POLQ: variants seen among roughly 807,000 people sequenced by gnomAD.
POLQ encodes epididymis secretory sperm binding protein.
In POLQ, 233 loss-of-function variants were observed where a neutral mutation model predicts 259.2. That is an observed-to-expected ratio of 0.90 (90% CI 0.81 to 1.00). POLQ has a LOEUF of 1.00. POLQ is among the 50% of genes least tolerant of loss of function. The probability of loss-of-function intolerance (pLI) is 0.00; values close to 1 mark genes in which losing one functional copy is unlikely to be tolerated. For missense variants in POLQ, 2,871 were observed against 3,051.6 expected (o/e 0.94, Z 1.39); for synonymous variants, 1,025 against 1,048.8 (o/e 0.98, Z 0.44).
At chr3:121,539,334 A>G (rs2108821184) in intron 4 of POLQ, 99 bp downstream of exon 4, 1 of 896,792 alleles carries the variant, frequency 1.1e-6, no homozygotes, top group East Asian at 2.5e-5. Flanking sequence ...ATAATAGACA[A>G]TAGGAAAACA....
intron 12 of POLQ, 49 bp downstream of exon 12, chr3:121,509,512 A>AT: frequency 2.7e-6 from 4 of 1,508,990 alleles, no homozygotes; most frequent in Non-Finnish European, 1.8e-6. Flanking sequence ...TTATATATCT[A>AT]TTTTTTTCTC....
At chr3:121,525,276 G>GGA in intron 7 of POLQ, among the ~76,000 whole-genome samples, 2 of 151,888 alleles carry the variant, frequency 1.3e-5, no homozygotes, top group Middle Eastern at 6.8e-3. Flanking sequence ...GGGAGGCGGA[G>GGA]CTTGCAGTGG....
intron 14 of POLQ, among the ~76,000 whole-genome samples, chr3:121,496,500 G>A (rs2048125957): frequency 6.6e-6 from 1 of 152,004 alleles, no homozygotes; most frequent in South Asian, 2.1e-4. Flanking sequence ...AGAAAGGGGA[G>A]ACCACAGAGA....
At chr3:121,545,611 TG>T in intron 1 of POLQ, 103 bp downstream of exon 1, 1 of 1,096,162 alleles carries the variant, frequency 9.1e-7, no homozygotes, top group Non-Finnish European at 1.3e-6. Flanking sequence ...AGAAGCCCAA[TG>T]GGGTATGCAA....
intron 2 of POLQ, among the ~76,000 whole-genome samples, chr3:121,542,281 T>C (rs2048496016): frequency 6.6e-6 from 1 of 152,134 alleles, no homozygotes; most frequent in Admixed American, 6.5e-5. Flanking sequence ...TCCCAGCATC[T>C]TGGGAGGCTG....
intron 28 of POLQ, among the ~76,000 whole-genome samples, chr3:121,433,416 T>C (rs1313352226): frequency 1.3e-5 from 2 of 152,176 alleles, no homozygotes; most frequent in Non-Finnish European, 2.9e-5. Context: ...AGCAAACTAA[T>C]ATTGTTAGGC....
Position 121,490,131 on chromosome 3 carries a change from A to T in POLQ, c.2800T>A (p.Leu934Ile). 6.2e-7 allele frequency: 1 copy of T among 1,608,758 alleles called. No homozygotes were observed. The highest frequency in any genetic ancestry group is 8.5e-7 in the Non-Finnish European group (1 of 1,176,588). ...ISQTKSSYKK[L>I]TSKNKSNTIF... The stretch of plus-strand genomic sequence containing the variant: ...GTGTTACTTTTGTTCTTTGATGTTA[A>T]TTTTTTATAAGAACTCTTAGTTTGG... Residue 934 changes from leucine to isoleucine, a missense_variant, in exon 16 of 30, where the codon TTA becomes ATA. Transcript: ENST00000264233.
At chr3:121,492,795 C>T (rs1576416081) in intron 15 of POLQ, among the ~76,000 whole-genome samples, 1 of 134,156 alleles carries the variant, frequency 7.5e-6, no homozygotes, top group South Asian at 2.9e-4. Flanking sequence ...GCCACCATGC[C>T]CAGCTATTTT....
chr3:121,482,237 C>T (rs1207766379), intron 18 of POLQ, among the ~76,000 whole-genome samples: 6 of 152,040 alleles, frequency 3.9e-5, no homozygotes, highest in Non-Finnish European at 5.9e-5. Context: ...AGAAGTGAGG[C>T]GCCGGGCGCA....
intron 5 of POLQ, among the ~76,000 whole-genome samples, chr3:121,534,814 T>C (rs1398228507): frequency 6.6e-6 from 1 of 152,254 alleles, no homozygotes; most frequent in Non-Finnish European, 1.5e-5. Flanking sequence ...ATTACTTTTT[T>C]GATCTAAAAG....
At chr3:121,496,696 T>C in intron 14 of POLQ, 112 bp downstream of exon 14, 1 of 1,104,568 alleles carries the variant, frequency 9.1e-7, no homozygotes, top group Non-Finnish European at 1.3e-6. Context: ...TGTACAAAGT[T>C]TTAGCACTTT....
chr3:121,470,190 C>T (rs997138285), intron 22 of POLQ, among the ~76,000 whole-genome samples: 3 of 151,838 alleles, frequency 2.0e-5, no homozygotes, highest in East Asian at 3.9e-4. Context: ...ACCTAGGAGG[C>T]GGAGGTTGCA....
intron 25 of POLQ, among the ~76,000 whole-genome samples, chr3:121,449,729 C>T (rs1458118754): frequency 1.3e-5 from 2 of 152,162 alleles, no homozygotes; most frequent in Non-Finnish European, 2.9e-5. Flanking sequence ...TTTATAGCAA[C>T]TTTTTACTCC....
chr3:121,541,270 T>C, intron 3 of POLQ, 79 bp downstream of exon 3: 3 of 1,258,482 alleles, frequency 2.4e-6, no homozygotes, highest in Non-Finnish European at 2.2e-6. Flanking sequence ...CTTGCTTTTA[T>C]AATTCTATTT....
intron 25 of POLQ, among the ~76,000 whole-genome samples, chr3:121,455,362 A>C (rs2047724519): frequency 6.9e-6 from 1 of 145,656 alleles, no homozygotes; most frequent in South Asian, 2.3e-4. Flanking sequence ...AGCTAGCAGA[A>C]GGCAAGAAAT....
Position 121,467,541 on chromosome 3 carries a change from TCGCATGC to T in POLQ, c.6938_6944del (p.Ser2313AsnfsTer22). On this transcript the variant is annotated frameshift_variant, in exon 24 of 30. Coordinates refer to ENST00000264233, the MANE Select transcript of POLQ (RefSeq NM_199420.4). LOFTEE classifies it high-confidence loss of function. ...TACCTGGGAAAGGCACAAAGGCATG[TCGCATGC>T]TAATTGAAAATGGCATTCCTCTGTC... 1 of 1,614,104 alleles carries T rather than the reference TCGCATGC, an allele frequency of 6.2e-7. No individual in the cohort carries two copies. The highest frequency in any genetic ancestry group is 2.2e-5 in the East Asian group (1 of 44,880).
chr3:121,545,220 A>G (rs1288121440), intron 1 of POLQ, among the ~76,000 whole-genome samples: 1 of 152,196 alleles, frequency 6.6e-6, no homozygotes, highest in East Asian at 1.9e-4. Flanking sequence ...AAGCTAAGTT[A>G]GGTGAGTTTC....
chr3:121,535,078 C>T (rs2048440696), intron 5 of POLQ, among the ~76,000 whole-genome samples: 1 of 152,122 alleles, frequency 6.6e-6, no homozygotes, highest in Non-Finnish European at 1.5e-5. Context: ...TTATATTAAT[C>T]AGATTTTCTA....
At chr3:121,438,846 T>G (rs1204159949) in intron 27 of POLQ, among the ~76,000 whole-genome samples, 2 of 152,218 alleles carry the variant, frequency 1.3e-5, no homozygotes, top group Non-Finnish European at 2.9e-5. Context: ...GATATTTGCA[T>G]GTGGATATAT....
Sources: gnomAD v4.1 joint callset for allele counts (sites outside exome capture counted in the v4.1 genomes callset) on GRCh38, gnomAD v4.1.1 for gene constraint, MANE v1.5 for transcripts, NCBI Gene and HGNC (gene_info 2026-07-23, HGNC 2026-07-21) for gene names.